PTPRM: variants seen among roughly 807,000 people sequenced by gnomAD.
The protein encoded by PTPRM is receptor-type tyrosine-protein phosphatase mu.
In PTPRM, 47 loss-of-function variants were observed where a neutral mutation model predicts 186.7. The observed-to-expected ratio is 0.25, with a 90% CI of 0.20 to 0.32. The LOEUF (loss-of-function observed/expected upper bound fraction) is 0.32. Ranked by LOEUF, PTPRM falls within the 10% of genes least tolerant of loss-of-function variation. The pLI is 1.00. For missense variants in PTPRM, 1,494 were observed against 1,865.0 expected, an observed-to-expected ratio of 0.80 and a Z score of 3.66; for synonymous variants, 668 against 674.9, an observed-to-expected ratio of 0.99 and a Z score of 0.16.
intron 29 of PTPRM, among the ~76,000 whole-genome samples, chr18:8,382,407 T>G (rs2095742763): frequency 6.6e-6 from 1 of 152,106 alleles, no homozygotes; most frequent in African/African-American, 2.4e-5. Flanking sequence ...ACGGTTCAGA[T>G]GTACATGTTA....
At chr18:7,573,852 A>G (rs2036621754) in intron 1 of PTPRM, among the ~76,000 whole-genome samples, 1 of 151,998 alleles carries the variant, frequency 6.6e-6, no homozygotes, top group South Asian at 2.1e-4. Flanking sequence ...CCACCTCCCA[A>G]AGTGCTGGGA....
At chr18:8,248,557 G>A (rs1329576746) in intron 17 of PTPRM, among the ~76,000 whole-genome samples, 1 of 152,144 alleles carries the variant, frequency 6.6e-6, no homozygotes, top group Non-Finnish European at 1.5e-5. Flanking sequence ...AGTCATAAAA[G>A]TGAAAATAGC....
chr18:7,602,912 A>ATTG (rs2037439773), intron 1 of PTPRM, among the ~76,000 whole-genome samples: 2 of 107,510 alleles, frequency 1.9e-5, no homozygotes, highest in Non-Finnish European at 3.5e-5. Flanking sequence ...TGGAATTATT[A>ATTG]TTATTATTAT....
chr18:8,212,052 C>A (rs2094013543), intron 14 of PTPRM, among the ~76,000 whole-genome samples: 3 of 151,768 alleles, frequency 2.0e-5, no homozygotes. Context: ...AGAAGAGAGA[C>A]CAGGACAGAA....
At chr18:8,338,372 T>A (rs201736634) in intron 22 of PTPRM, among the ~76,000 whole-genome samples, 1 of 148,076 alleles carries the variant, frequency 6.8e-6, no homozygotes, top group African/African-American at 2.5e-5. Flanking sequence ...TTGTAATGCT[T>A]AAAAAAAAAA....
At chr18:8,244,296 A>AAAGCTTCCTG in intron 15 of PTPRM, 87 bp downstream of exon 15, 1 of 1,290,562 alleles carries the variant, frequency 7.7e-7, no homozygotes, top group Non-Finnish European at 1.0e-6. Context: ...AAAAAAAAAA[A>AAAGCTTCCTG]AGCTTCCTGA....
chr18:7,748,585 A>G (rs1252213544), intron 1 of PTPRM, among the ~76,000 whole-genome samples: 2 of 152,230 alleles, frequency 1.3e-5, no homozygotes, highest in Non-Finnish European at 2.9e-5. Context: ...ACTTACACAC[A>G]TGAAATATAT....
intron 1 of PTPRM, among the ~76,000 whole-genome samples, chr18:7,579,015 C>T (rs1367540585): frequency 6.6e-6 from 1 of 152,036 alleles, no homozygotes; most frequent in Non-Finnish European, 1.5e-5. Context: ...TTTCTGGGTC[C>T]AAGGCTTTGA....
intron 23 of PTPRM, among the ~76,000 whole-genome samples, chr18:8,345,882 GC>G (rs2095502079): frequency 6.6e-6 from 1 of 151,966 alleles, no homozygotes; most frequent in South Asian, 2.1e-4. Context: ...GACACCAAAA[GC>G]CCAACATATT....
intron 1 of PTPRM, among the ~76,000 whole-genome samples, chr18:7,661,488 T>C (rs2038979654): frequency 6.6e-6 from 1 of 152,210 alleles, no homozygotes; most frequent in South Asian, 2.1e-4. Flanking sequence ...GCAGTGACAA[T>C]GAATGTGCCA....
intron 14 of PTPRM, among the ~76,000 whole-genome samples, chr18:8,177,894 A>G (rs1338057052): frequency 6.6e-6 from 1 of 152,276 alleles, no homozygotes; most frequent in East Asian, 1.9e-4. Context: ...GTTTGTATGC[A>G]CAGTGGCCTA....
chr18:7,941,656 A>T (rs1022169862), intron 5 of PTPRM, among the ~76,000 whole-genome samples: 7 of 152,228 alleles, frequency 4.6e-5, no homozygotes, highest in African/African-American at 1.7e-4. Context: ...GAAGTCAGGG[A>T]TGAGGAAATA....
intron 11 of PTPRM, among the ~76,000 whole-genome samples, chr18:8,096,534 T>C (rs2145458685): frequency 6.6e-6 from 1 of 152,304 alleles, no homozygotes; most frequent in South Asian, 2.1e-4. Context: ...TTCTTTTCCC[T>C]CATCTAGATA....
chr18:8,075,511 A>G (rs988683110), intron 8 of PTPRM, among the ~76,000 whole-genome samples: 15 of 152,178 alleles, frequency 9.9e-5, no homozygotes, highest in Non-Finnish European at 1.6e-4. Flanking sequence ...TAAATTGTCT[A>G]TAACATGAAG....
rs529381488 is a variant in PTPRM, at chr18:7,771,977, T to C, written c.74-2172T>C. 9.8e-5 allele frequency among the ~76,000 whole-genome samples: 15 copies of C among 152,314 alleles called. No individual in the cohort carries two copies. In the South Asian group the frequency reaches 3.1e-3, roughly 32 times the overall value. On this transcript the variant is annotated intron_variant, in intron 1 of 32. Coordinates refer to ENST00000580170, the MANE Select transcript of PTPRM (RefSeq NM_001105244.2). ...TGGAGAGATGACTCAGTGGCAGTGG[T>C]GTACAAAAGCCGTATGGGATTTCAG...
chr18:8,385,476 T>A (rs149514466), intron 30 of PTPRM, among the ~76,000 whole-genome samples: 34 of 151,924 alleles, frequency 2.2e-4, no homozygotes, highest in East Asian at 2.0e-3. Context: ...GACGGAGGAG[T>A]CCAGGGAGCA....
chr18:8,359,696 C>T (rs1209521187), intron 23 of PTPRM, among the ~76,000 whole-genome samples: 5 of 152,224 alleles, frequency 3.3e-5, no homozygotes, highest in African/African-American at 1.2e-4. Context: ...CGATGCATCA[C>T]AGCCTGAGCG....
At chr18:8,246,474 A>G (rs2094477505) in intron 15 of PTPRM, among the ~76,000 whole-genome samples, 1 of 152,214 alleles carries the variant, frequency 6.6e-6, no homozygotes. Flanking sequence ...TTTAGTTTTT[A>G]TGCTAGAAGA....
At chr18:8,200,904 T>C (rs553925734) in intron 14 of PTPRM, among the ~76,000 whole-genome samples, 2 of 152,340 alleles carry the variant, frequency 1.3e-5, no homozygotes, top group South Asian at 4.1e-4. Context: ...CTGCAATACA[T>C]AAATTATAAT....
Sources: allele counts gnomAD v4.1 joint callset (sites outside exome capture counted in the v4.1 genomes callset), GRCh38; gene constraint gnomAD v4.1.1; transcripts MANE v1.5; gene names NCBI Gene and HGNC (gene_info 2026-07-23, HGNC 2026-07-21).